The following PCLO variants were observed in gnomAD, a reference collection of about 807,000 sequenced individuals.
The protein encoded by PCLO is piccolo presynaptic cytomatrix protein.
PCLO carries 82 observed loss-of-function variants against 427.5 expected under a neutral mutation model. The ratio of observed to expected loss-of-function variants is 0.19; its 90% CI spans 0.16 to 0.23. PCLO has a LOEUF of 0.23. PCLO is among the 10% of genes least tolerant of loss of function. The pLI is 1.00. For synonymous variants in PCLO, 2,357 were observed against 2,155.4 expected (o/e 1.09, Z -2.59); for missense variants, 6,239 against 6,115.9 (o/e 1.02, Z -0.67).
intron 3 of PCLO, among the ~76,000 whole-genome samples, chr7:82,991,850 A>G (rs1039985738): frequency 9.2e-5 from 14 of 152,212 alleles, no homozygotes; most frequent in Admixed American, 3.3e-4. Flanking sequence ...TTAGTTTCAT[A>G]GGGCAATTAT....
At chr7:82,856,304 T>C (rs1296361470) in intron 10 of PCLO, among the ~76,000 whole-genome samples, 4 of 152,200 alleles carry the variant, frequency 2.6e-5, no homozygotes, top group African/African-American at 9.6e-5. Context: ...AGATATGCTT[T>C]TTAAACATAC....
intron 3 of PCLO, among the ~76,000 whole-genome samples, chr7:83,111,451 C>G (rs757541235): frequency 6.6e-6 from 1 of 152,212 alleles, no homozygotes; most frequent in Admixed American, 6.5e-5. Context: ...GGAGCCCTTT[C>G]TCCAGTGAGG....
chr7:82,955,199 A>G lies in PCLO; in HGVS notation c.5754T>C (p.Tyr1918=), dbSNP rs1795479316. 1.9e-6 allele frequency: 3 copies of G among 1,613,780 alleles called. No homozygotes were observed. Among genetic ancestry groups the G allele is most frequent in the Middle Eastern group, 1.6e-4 (1 of 6,062 alleles). ...TGTGTGTTTTATGCATCATTTCTTC[A>G]TACATCTCCTCAGCACTTTTTAACG... ...QKALKSAEEM[Y]EEMMHKTHKY... is the part of the protein sequence containing the mutation. Residue 1918 remains tyrosine (Y), a synonymous_variant, in exon 5 of 25, where the codon TAT becomes TAC. Transcript: ENST00000333891.
At chr7:82,864,103 T>C (rs1315322407) in intron 10 of PCLO, among the ~76,000 whole-genome samples, 2 of 152,072 alleles carry the variant, frequency 1.3e-5, no homozygotes, top group Non-Finnish European at 2.9e-5. Flanking sequence ...ATTATAAAGG[T>C]TTTTTTAATT....
chr7:83,025,354 G>A (rs1345798103), intron 3 of PCLO, among the ~76,000 whole-genome samples: 6 of 151,028 alleles, frequency 4.0e-5, no homozygotes, highest in African/African-American at 1.2e-4. Flanking sequence ...AAGGGTATCA[G>A]CAATGGAAGA....
intron 16 of PCLO, 135 bp downstream of exon 16, chr7:82,835,532 T>C (rs543821405): frequency 9.2e-6 from 6 of 650,800 alleles, no homozygotes; most frequent in Admixed American, 2.8e-5. Context: ...GCAGTGCTGA[T>C]TCAATAGATA....
At chr7:82,833,575 AT>A (rs1012387830) in intron 16 of PCLO, among the ~76,000 whole-genome samples, 6 of 152,182 alleles carry the variant, frequency 3.9e-5, no homozygotes, top group Admixed American at 3.3e-4. Context: ...CAGGACTCTT[AT>A]TTTAAATTTA....
intron 3 of PCLO, among the ~76,000 whole-genome samples, chr7:83,011,617 A>G (rs1364747130): frequency 1.4e-5 from 2 of 145,810 alleles, no homozygotes; most frequent in Non-Finnish European, 3.1e-5. Context: ...AAAAAAAAAC[A>G]AATCCTAAGA....
intron 2 of PCLO, among the ~76,000 whole-genome samples, 167 bp from the exon 3 acceptor site, chr7:83,135,823 G>A (rs1304345151): frequency 6.6e-6 from 1 of 152,046 alleles, no homozygotes; most frequent in African/African-American, 2.4e-5. Context: ...TTAATTGCCA[G>A]GCGTGGTGGC....
chr7:82,872,612 C>G (rs1793264108), intron 10 of PCLO, among the ~76,000 whole-genome samples: 1 of 151,956 alleles, frequency 6.6e-6, no homozygotes, highest in South Asian at 2.1e-4. Flanking sequence ...CATTATAACA[C>G]AGAAATTTAA....
intron 3 of PCLO, among the ~76,000 whole-genome samples, chr7:83,081,650 C>T (rs12667953): frequency 0.28 from 42,704 of 151,514 alleles, 7,081 homozygotes; most frequent in East Asian, 0.56. Context: ...TCCTATGGTA[C>T]TGTATCTGTC....
intron 3 of PCLO, among the ~76,000 whole-genome samples, chr7:83,012,565 C>T (rs1437978229): frequency 2.1e-5 from 3 of 141,526 alleles, no homozygotes; most frequent in Admixed American, 1.5e-4. Context: ...TGCGGTGAGC[C>T]GAGATCGCAC....
chr7:83,076,815 C>T (rs1475263105), intron 3 of PCLO, among the ~76,000 whole-genome samples: 2 of 151,634 alleles, frequency 1.3e-5, no homozygotes, highest in Non-Finnish European at 2.9e-5. Flanking sequence ...AACATGTGAC[C>T]TTCCTACCTT....
chr7:82,814,112 T>C (rs1046758198), intron 20 of PCLO, among the ~76,000 whole-genome samples: 5 of 151,878 alleles, frequency 3.3e-5, no homozygotes, highest in African/African-American at 4.8e-5. Flanking sequence ...GGAAGCAGCT[T>C]GATTAAAGCT....
chr7:83,074,748 C>G (rs1789908738), intron 3 of PCLO, among the ~76,000 whole-genome samples: 1 of 152,138 alleles, frequency 6.6e-6, no homozygotes, highest in Non-Finnish European at 1.5e-5. Flanking sequence ...TAAAATCCAT[C>G]TGCTTGGAAA....
rs138643658 is a variant in PCLO at position 82,945,898 on chromosome 7, A to G, written c.11112+3578T>C. On this transcript the variant is annotated intron_variant, in intron 6 of 24. Transcript: ENST00000333891. ...TTAAAAAAATCAAGCATGACACTGA[A>G]TTAAGAATAAATAATTAGGAAATGT... Among the ~76,000 whole-genome samples, 945 of 152,358 alleles carry G rather than the reference A, an allele frequency of 6.2e-3. 5 individuals carry two copies. Among genetic ancestry groups the G allele is most frequent in the African/African-American group, 0.022 (900 of 41,592 alleles).
chr7:83,069,254 G>T (rs927768588), intron 3 of PCLO, among the ~76,000 whole-genome samples: 1 of 152,056 alleles, frequency 6.6e-6, no homozygotes, highest in Non-Finnish European at 1.5e-5. Flanking sequence ...AAGTCCCACA[G>T]TTGGGCCTGC....
At chr7:83,057,348 ATTTTTTTTTTTTTT>A (rs1199445166) in intron 3 of PCLO, among the ~76,000 whole-genome samples, 6 of 19,630 alleles carry the variant, frequency 3.1e-4, no homozygotes, top group Non-Finnish European at 5.4e-4. Context: ...ATATATATAT[ATTTTTTTTTTTTTT>A]TTTTTTTTTT....
intron 2 of PCLO, among the ~76,000 whole-genome samples, chr7:83,153,414 A>C (rs975078183): frequency 6.6e-6 from 1 of 152,232 alleles, no homozygotes; most frequent in African/African-American, 2.4e-5. Context: ...ACATATTTTA[A>C]ATTTGCATCA....
Sources: gnomAD v4.1 joint callset for allele counts (sites outside exome capture counted in the v4.1 genomes callset) on GRCh38, gnomAD v4.1.1 for gene constraint, MANE v1.5 for transcripts, NCBI Gene and HGNC (gene_info 2026-07-23, HGNC 2026-07-21) for gene names.